Variants in MEI4 observed in about 807,000 individuals in gnomAD.
The protein encoded by MEI4 is meiosis-specific protein MEI4.
MEI4 carries 27 observed loss-of-function variants against 31.4 expected under a neutral mutation model. The ratio of observed to expected loss-of-function variants is 0.86; its 90% CI spans 0.63 to 1.19. The LOEUF is 1.19. Among genes scored for constraint, MEI4 ranks in the 50% most tolerant of loss-of-function variants. The pLI, the probability that MEI4 is intolerant of heterozygous loss-of-function variation, is 0.00. For synonymous variants in MEI4, 122 were observed against 145.4 expected, an observed-to-expected ratio of 0.84 and a Z score of 1.16; for missense variants, 329 against 398.9, an observed-to-expected ratio of 0.82 and a Z score of 1.49.
Position 77,924,646 on chromosome 6 carries a change from C to T in MEI4, c.*1300C>T, listed in dbSNP as rs1358928057. The T allele has an allele frequency of 6.6e-6, 1 of 151,824 alleles. No individual in the cohort carries two copies. The highest frequency in any genetic ancestry group is 2.4e-5 in the African/African-American group (1 of 41,384). The allele number at this position is 151,824 out of a possible 1,614,324, so 9.4% of individuals were successfully genotyped here. ...GCTAAAAGTCAGGCTTTCTTCTCTT[C>T]CACATGTGCATATTCTGAGAACCAG... On this transcript the variant is annotated 3_prime_UTR_variant, in exon 5 of 5. Coordinates refer to ENST00000684080, the MANE Select transcript of MEI4 (RefSeq NM_001322247.2).
chr6:77,746,016 C>G (rs970983947), intron 2 of MEI4, among the ~76,000 whole-genome samples: 2 of 151,992 alleles, frequency 1.3e-5, no homozygotes, highest in Admixed American at 6.6e-5. Context: ...CAAGAGAAAG[C>G]AGGAAAGATC....
At chr6:77,735,123 C>A (rs953399401) in intron 2 of MEI4, among the ~76,000 whole-genome samples, 7 of 151,892 alleles carry the variant, frequency 4.6e-5, no homozygotes, top group Non-Finnish European at 8.8e-5. Context: ...TGGAGTTGCT[C>A]TTCTCGAGGA....
intron 2 of MEI4, among the ~76,000 whole-genome samples, chr6:77,714,732 C>T (rs1766541954): frequency 6.6e-6 from 1 of 152,174 alleles, no homozygotes; most frequent in South Asian, 2.1e-4. Flanking sequence ...TCTACTTTCT[C>T]CACACCATTG....
intron 4 of MEI4, among the ~76,000 whole-genome samples, chr6:77,908,671 GA>G (rs1766357009): frequency 3.3e-5 from 5 of 151,400 alleles, no homozygotes; most frequent in African/African-American, 1.2e-4. Context: ...GTAGCAAATG[GA>G]AAACAAAAAA....
At chr6:77,751,867 A>G (rs1444158146) in intron 2 of MEI4, among the ~76,000 whole-genome samples, 2 of 152,290 alleles carry the variant, frequency 1.3e-5, no homozygotes, top group African/African-American at 2.4e-5. Flanking sequence ...AAAATCCTCA[A>G]TAAAATACTG....
At chr6:77,804,548 C>T (rs541150044) in intron 3 of MEI4, among the ~76,000 whole-genome samples, 17 of 152,308 alleles carry the variant, frequency 1.1e-4, no homozygotes, top group African/African-American at 2.9e-4. Flanking sequence ...ATTTCGCTCA[C>T]GCTGGGATCT....
At chr6:77,838,359 G>A (rs1770273707) in intron 4 of MEI4, among the ~76,000 whole-genome samples, 1 of 152,130 alleles carries the variant, frequency 6.6e-6, no homozygotes, top group Middle Eastern at 3.4e-3. Context: ...TAGTCTCACT[G>A]TCTTTTCTGA....
At chr6:77,870,477 T>G (rs943654244) in intron 4 of MEI4, among the ~76,000 whole-genome samples, 4 of 152,354 alleles carry the variant, frequency 2.6e-5, no homozygotes, top group African/African-American at 9.6e-5. Flanking sequence ...GATTAAGTGA[T>G]GTAATATTAC....
At chr6:77,682,457 GGA>G (rs1208301693) in intron 1 of MEI4, among the ~76,000 whole-genome samples, 1 of 152,200 alleles carries the variant, frequency 6.6e-6, no homozygotes, top group African/African-American at 2.4e-5. Flanking sequence ...GGCATAGTTT[GGA>G]GAGAGTAGAC....
intron 2 of MEI4, among the ~76,000 whole-genome samples, chr6:77,709,789 A>C (rs1256290220): frequency 6.6e-6 from 1 of 152,232 alleles, no homozygotes; most frequent in Non-Finnish European, 1.5e-5. Flanking sequence ...TGCAAATTTA[A>C]AACCTAAATG....
At chr6:77,761,928 G>T (rs1190457114) in intron 3 of MEI4, among the ~76,000 whole-genome samples, 3 of 152,064 alleles carry the variant, frequency 2.0e-5, no homozygotes. Context: ...TTTATTATCA[G>T]CACCCTTGGA....
chr6:77,862,855 T>A (rs530540087), intron 4 of MEI4, among the ~76,000 whole-genome samples: 1 of 152,228 alleles, frequency 6.6e-6, no homozygotes, highest in Admixed American at 6.5e-5. Context: ...GTCACATGGC[T>A]GGGTACTCCT....
At chr6:77,814,030 C>A (rs1769633731) in intron 3 of MEI4, among the ~76,000 whole-genome samples, 1 of 151,976 alleles carries the variant, frequency 6.6e-6, no homozygotes, top group African/African-American at 2.4e-5. Context: ...TCGTTGAAAC[C>A]TATTATCCAA....
intron 1 of MEI4, among the ~76,000 whole-genome samples, chr6:77,685,411 T>C (rs1054560439): frequency 6.6e-6 from 1 of 151,920 alleles, no homozygotes; most frequent in Non-Finnish European, 1.5e-5. Context: ...GGACTTGCTA[T>C]TGAGTTTTTG....
chr6:77,695,090 G>A (rs567681639), intron 2 of MEI4, among the ~76,000 whole-genome samples: 8 of 152,228 alleles, frequency 5.3e-5, no homozygotes, highest in South Asian at 4.2e-4. Context: ...CGTATCCTTC[G>A]CCCACTTTTT....
chr6:77,715,646 G>A (rs975780615), intron 2 of MEI4, among the ~76,000 whole-genome samples: 1 of 152,038 alleles, frequency 6.6e-6, no homozygotes. Context: ...TATCCCTAAT[G>A]TACTTACAGA....
At chr6:77,865,709 A>G (rs943514522) in intron 4 of MEI4, among the ~76,000 whole-genome samples, 1 of 152,166 alleles carries the variant, frequency 6.6e-6, no homozygotes, top group African/African-American at 2.4e-5. Flanking sequence ...AAAAGAGGGA[A>G]TCCTCCCTAA....
At chr6:77,738,278 C>A (rs1767307507) in intron 2 of MEI4, among the ~76,000 whole-genome samples, 1 of 152,170 alleles carries the variant, frequency 6.6e-6, no homozygotes, top group African/African-American at 2.4e-5. Context: ...GTAGTGAAGA[C>A]AATTCAGCTA....
chr6:77,855,015 G>T (rs1329771614), intron 4 of MEI4, among the ~76,000 whole-genome samples: 1 of 152,034 alleles, frequency 6.6e-6, no homozygotes, highest in Non-Finnish European at 1.5e-5. Context: ...CTTCCTGTAT[G>T]TAGAAATTGT....
Sources: allele counts gnomAD v4.1 joint callset (sites outside exome capture counted in the v4.1 genomes callset), GRCh38; gene constraint gnomAD v4.1.1; transcripts MANE v1.5; gene names NCBI Gene and HGNC (gene_info 2026-07-23, HGNC 2026-07-21).